Variants in LBR observed in about 807,000 individuals in gnomAD.
The protein encoded by LBR is lamin B receptor, also known as delta(14)-sterol reductase LBR.
A neutral mutation model predicts 74.3 loss-of-function variants in LBR; 28 were observed. That is an observed-to-expected ratio of 0.38 (90% CI 0.28 to 0.52). The LOEUF (loss-of-function observed/expected upper bound fraction) is 0.52, where lower values mean the gene tolerates loss of function less well. LBR is among the 20% of genes least tolerant of loss of function. The pLI is 0.89. For missense variants in LBR, 717 were observed against 760.3 expected, an observed-to-expected ratio of 0.94 and a Z score of 0.67; for synonymous variants, 228 against 269.3, an observed-to-expected ratio of 0.85 and a Z score of 1.50.
rs1039551489 is a variant in LBR, at chr1:225,410,347, T to A, written c.1258A>T (p.Met420Leu). Residue 420 changes from methionine (M) to leucine (L), a missense_variant, in exon 10 of 14, where the codon ATG becomes TTG. Met to Leu is a conservative substitution (Grantham distance 15). Coordinates refer to ENST00000272163, the MANE Select transcript of LBR (RefSeq NM_002296.4). ...IQDRAVPSLAMILVNSFQLLY... is the reference protein window; with the variant it reads ...IQDRAVPSLALILVNSFQLLY... ...AGCTGGAAACTATTAACTAAAATCA[T>A]GGCCAAGGATGGAACAGCGCGGTCC... is the stretch of plus-strand genomic sequence containing the variant. 2 of 1,614,052 alleles carry A rather than the reference T, an allele frequency of 1.2e-6. No individual in the cohort carries two copies. Among genetic ancestry groups the A allele is most frequent in the African/African-American group, 2.7e-5 (2 of 74,932 alleles).
At chr1:225,423,865 T>G (rs377753563) in intron 2 of LBR, 46 bp downstream of exon 2, 12 of 1,550,950 alleles carry the variant, frequency 7.7e-6, no homozygotes, top group Non-Finnish European at 1.1e-5. Context: ...TAGAGTTATT[T>G]CCCACTTACT....
chr1:225,427,773 GA>G, intron 1 of LBR, 180 bp downstream of exon 1: 1 of 152,754 alleles, frequency 6.5e-6, no homozygotes, highest in Non-Finnish European at 1.5e-5. Flanking sequence ...GACTGGGCCA[GA>G]AAAGGCGAGG....
At chr1:225,428,378 T>G (rs1216628200), upstream of LBR, among the ~76,000 whole-genome samples, 1 of 152,120 alleles carries the variant, frequency 6.6e-6, no homozygotes, top group Non-Finnish European at 1.5e-5. Flanking sequence ...CTCCCGCCCT[T>G]TCCCTCCCAG....
At chr1:225,412,140 G>A (rs1031358719) in intron 8 of LBR, among the ~76,000 whole-genome samples, 1 of 152,168 alleles carries the variant, frequency 6.6e-6, no homozygotes, top group African/African-American at 2.4e-5. Flanking sequence ...GTTTTTTAAA[G>A]AGTGTTTACT....
chr1:225,421,841 G>A (rs1001060733), intron 3 of LBR, among the ~76,000 whole-genome samples: 2 of 152,122 alleles, frequency 1.3e-5, no homozygotes, highest in South Asian at 2.1e-4. Context: ...AAATTTGAAC[G>A]CTGCTTTTTT....
chr1:225,410,791 A>C (rs2096103444), intron 9 of LBR, among the ~76,000 whole-genome samples: 1 of 152,208 alleles, frequency 6.6e-6, no homozygotes, highest in Non-Finnish European at 1.5e-5. Flanking sequence ...ATAACAACTA[A>C]ATGTATTGTG....
chr1:225,422,114 C>A lies in LBR; in HGVS notation c.329G>T (p.Arg110Met). 6.2e-7 allele frequency: 1 copy of A among 1,614,150 alleles called. No homozygotes were observed. Among genetic ancestry groups the A allele is most frequent in the Non-Finnish European group, 8.5e-7 (1 of 1,180,036 alleles). Residue 110 changes from arginine (R) to methionine (M), a missense_variant, in exon 3 of 14, where the codon AGG becomes ATG. Coordinates refer to ENST00000272163, the MANE Select transcript of LBR (RefSeq NM_002296.4). ...AGTCAATTTAACTTCCACTTCCCTCCTTGCTTCCTTAATGTCGGCCTGGTG... is the reference window on the plus strand; with the variant it reads ...AGTCAATTTAACTTCCACTTCCCTCATTGCTTCCTTAATGTCGGCCTGGTG... ...ASHQADIKEA[R>M]REVEVKLTPL... is the part of the protein sequence containing the mutation.
chr1:225,412,765 A>G (rs1250855151), intron 7 of LBR, 120 bp from the exon 8 acceptor site: 2 of 872,482 alleles, frequency 2.3e-6, no homozygotes, highest in East Asian at 2.6e-5. Context: ...CATTATTCAG[A>G]CTAAATACAC....
chr1:225,413,344 G>A (rs2096110250), intron 7 of LBR, among the ~76,000 whole-genome samples: 1 of 152,238 alleles, frequency 6.6e-6, no homozygotes, highest in African/African-American at 2.4e-5. Flanking sequence ...TTCCGGGCTA[G>A]TCCTGCAGCC....
chr1:225,410,321 A>G lies in LBR; in HGVS notation c.1284T>C (p.Leu428=). The G allele has an allele frequency of 6.2e-7, 1 of 1,614,178 alleles. No homozygotes were observed. The stretch of plus-strand genomic sequence containing the variant: ...TCCAGAGAGCATCCACCACATAGAG[A>G]AGCTGGAAACTATTAACTAAAATCA... ...LAMILVNSFQ[L]LYVVDALWNE... Residue 428 remains leucine, a synonymous_variant, in exon 10 of 14, where the codon CTT becomes CTC. Coordinates refer to ENST00000272163, the MANE Select transcript of LBR (RefSeq NM_002296.4).
chr1:225,404,478 C>T lies in LBR; in HGVS notation c.1613G>A (p.Gly538Glu). 6.2e-7 allele frequency: 1 copy of T among 1,613,874 alleles called. No homozygotes were observed. Among genetic ancestry groups the T allele is most frequent in the Non-Finnish European group, 8.5e-7 (1 of 1,179,840 alleles). The change falls in exon 13 of 14, where the codon GGA (glycine) becomes GAA (glutamate). Residue 538 changes from glycine to glutamate, a missense_variant. Coordinates refer to ENST00000272163, the MANE Select transcript of LBR (RefSeq NM_002296.4). ...GGGGTGGCGAACAAAGCCCCACCAT[C>T]CAGAAACTAGAAGATTTTTTCCCGT... Reference protein sequence around the residue: ...TSTGKNLLVSGWWGFVRHPNY... With the variant: ...TSTGKNLLVSEWWGFVRHPNY...
chr1:225,420,023 T>A (rs1319253053), intron 3 of LBR, among the ~76,000 whole-genome samples: 1 of 152,128 alleles, frequency 6.6e-6, no homozygotes, highest in Non-Finnish European at 1.5e-5. Context: ...AAATCTTTCA[T>A]CTGGCCAGGC....
chr1:225,423,792 A>C, intron 2 of LBR, 119 bp downstream of exon 2: 1 of 945,428 alleles, frequency 1.1e-6, no homozygotes, highest in Non-Finnish European at 1.7e-6. Context: ...ACCCAAAGCA[A>C]GAGCTCAATC....
chr1:225,423,977 G>A lies in LBR; in HGVS notation c.99C>T (p.Thr33=), dbSNP rs2096133807. Residue 33 remains threonine (T), a synonymous_variant, in exon 2 of 14, where the codon ACC becomes ACT. Coordinates refer to ENST00000272163, the MANE Select transcript of LBR (RefSeq NM_002296.4). ...YEVEILSHDS[T]SQLYTVKYKD... ...TATACTTCACAGTGTAAAGCTGGGAGGTGCTGTCGTGGCTCAGAATTTCTA... is the reference window on the plus strand; with the variant it reads ...TATACTTCACAGTGTAAAGCTGGGAAGTGCTGTCGTGGCTCAGAATTTCTA... 3.7e-6 allele frequency: 6 copies of A among 1,613,786 alleles called. No homozygotes were observed. The highest frequency in any genetic ancestry group is 5.1e-6 in the Non-Finnish European group (6 of 1,179,694).
At chr1:225,410,464 ACCTTAGCACTACAAAGG>A in intron 9 of LBR, 48 bp from the exon 10 acceptor site, 1 of 1,600,842 alleles carries the variant, frequency 6.2e-7, no homozygotes, top group Non-Finnish European at 8.5e-7. Context: ...CTCCCCAGAG[ACCTTAGCACTACAAAGG>A]CATGAGTGAG....
chr1:225,416,101 C>T (rs1185290449), intron 6 of LBR, among the ~76,000 whole-genome samples: 2 of 151,574 alleles, frequency 1.3e-5, no homozygotes, highest in African/African-American at 4.9e-5. Flanking sequence ...CCCAGCTACT[C>T]GGGAGGCTGA....
chr1:225,415,416 G>T (rs2150952681), intron 6 of LBR, 84 bp from the exon 7 acceptor site: 2 of 714,644 alleles, frequency 2.8e-6, no homozygotes, highest in Non-Finnish European at 4.8e-6. Flanking sequence ...ATATATTCTA[G>T]TATCACTTAA....
chr1:225,421,419 G>A (rs2096127287), intron 3 of LBR, among the ~76,000 whole-genome samples: 1 of 152,370 alleles, frequency 6.6e-6, no homozygotes, highest in African/African-American at 2.4e-5. Flanking sequence ...CGTGAACCCA[G>A]GAGGCGGAGC....
At chr1:225,428,468 C>G (rs924137453), upstream of LBR, among the ~76,000 whole-genome samples, 3 of 152,140 alleles carry the variant, frequency 2.0e-5, no homozygotes, top group Non-Finnish European at 4.4e-5. Context: ...CTAATACATT[C>G]TTGAAGTGAT....
Sources: allele counts gnomAD v4.1 joint callset (sites outside exome capture counted in the v4.1 genomes callset), GRCh38; gene constraint gnomAD v4.1.1; transcripts MANE v1.5; gene names NCBI Gene and HGNC (gene_info 2026-07-23, HGNC 2026-07-21).